Variants in SSBP2 observed in about 807,000 individuals in gnomAD.
SSBP2 encodes the protein single-stranded DNA-binding protein 2.
In SSBP2, 17 loss-of-function variants were observed where a neutral mutation model predicts 61.8. The observed-to-expected ratio is 0.28, with a 90% confidence interval of 0.19 to 0.41. The LOEUF is 0.41. Among genes scored for constraint, SSBP2 ranks in the 10% least tolerant of loss-of-function variants. The probability of loss-of-function intolerance (pLI) is 1.00; values close to 1 mark genes in which losing one functional copy is unlikely to be tolerated. For missense variants in SSBP2, 310 were observed against 458.7 expected (o/e 0.68, Z 2.96); for synonymous variants, 139 against 141.3 (o/e 0.98, Z 0.12).
chr5:81,645,586 C>T (rs187029549), intron 2 of SSBP2, among the ~76,000 whole-genome samples: 1 of 152,180 alleles, frequency 6.6e-6, no homozygotes, highest in African/African-American at 2.4e-5. Flanking sequence ...GGAAGAGCAG[C>T]CATTATCTTT....
At position 81,664,522 on chromosome 5, in the gene SSBP2, T is replaced by C. The variant is rs141496026; in HGVS notation, c.63-14183A>G. On this transcript the variant is annotated intron_variant, in intron 1 of 16. Coordinates refer to ENST00000320672, the MANE Select transcript of SSBP2 (RefSeq NM_012446.5). ...ATTAATGACTCTCTCAGACCACACATAGGCATTTGTAGAATCCTTTGGTTT... is the reference window on the plus strand; with the variant it reads ...ATTAATGACTCTCTCAGACCACACACAGGCATTTGTAGAATCCTTTGGTTT... Among the ~76,000 whole-genome samples, 90 of 152,316 alleles carry C rather than the reference T, an allele frequency of 5.9e-4. 1 individual carries two copies. In the East Asian group the frequency reaches 0.015, roughly 25 times the overall value.
chr5:81,586,873 G>A (rs1285464070), intron 4 of SSBP2, among the ~76,000 whole-genome samples: 1 of 151,882 alleles, frequency 6.6e-6, no homozygotes, highest in South Asian at 2.1e-4. Flanking sequence ...GATAGAGGGT[G>A]CCTACATGAT....
At chr5:81,668,680 C>T (rs1338950823) in intron 1 of SSBP2, among the ~76,000 whole-genome samples, 2 of 151,898 alleles carry the variant, frequency 1.3e-5, no homozygotes. Context: ...GTAAATAAAG[C>T]ATAAAGTTTA....
At chr5:81,643,573 T>C (rs2153693039) in intron 2 of SSBP2, among the ~76,000 whole-genome samples, 1 of 150,616 alleles carries the variant, frequency 6.6e-6, no homozygotes, top group South Asian at 2.1e-4. Flanking sequence ...AAAGTTGAAA[T>C]TGAAGTAAAC....
At chr5:81,503,172 C>T (rs999390747) in intron 5 of SSBP2, among the ~76,000 whole-genome samples, 1 of 151,990 alleles carries the variant, frequency 6.6e-6, no homozygotes, top group East Asian at 1.9e-4. Flanking sequence ...ACAACAGATG[C>T]AGCTGGGCGT....
chr5:81,682,639 C>T (rs186989543), intron 1 of SSBP2, among the ~76,000 whole-genome samples: 269 of 152,210 alleles, frequency 1.8e-3, no homozygotes, highest in African/African-American at 6.2e-3. Flanking sequence ...CTTACCACTG[C>T]TTTTTGGCAT....
At chr5:81,461,207 C>A in intron 9 of SSBP2, 104 bp from the exon 10 acceptor site, 1 of 855,858 alleles carries the variant, frequency 1.2e-6, no homozygotes, top group Non-Finnish European at 1.7e-6. Context: ...AGTTACTATG[C>A]AGTTCTAGTT....
intron 5 of SSBP2, among the ~76,000 whole-genome samples, chr5:81,497,081 C>T (rs920320004): frequency 6.6e-6 from 1 of 152,290 alleles, no homozygotes; most frequent in Middle Eastern, 3.4e-3. Context: ...GCTCTTGATT[C>T]ACCAGACTAA....
chr5:81,663,699 C>A (rs1374604669), intron 1 of SSBP2, among the ~76,000 whole-genome samples: 3 of 152,102 alleles, frequency 2.0e-5, no homozygotes, highest in Admixed American at 2.0e-4. Flanking sequence ...ACCATAATAT[C>A]CTATATCTAC....
intron 1 of SSBP2, among the ~76,000 whole-genome samples, chr5:81,662,894 C>T (rs1047434815): frequency 4.3e-4 from 65 of 152,140 alleles, no homozygotes; most frequent in African/African-American, 1.4e-3. Context: ...CCATTACATG[C>T]TTGCCAACAG....
chr5:81,426,465 C>G (rs766859793), intron 16 of SSBP2, among the ~76,000 whole-genome samples: 5 of 152,182 alleles, frequency 3.3e-5, no homozygotes, highest in Non-Finnish European at 5.9e-5. Context: ...CAGGGAACTT[C>G]TGTTTGCTGT....
At chr5:81,640,849 G>A (rs1748720496) in intron 2 of SSBP2, among the ~76,000 whole-genome samples, 1 of 151,954 alleles carries the variant, frequency 6.6e-6, no homozygotes, top group South Asian at 2.1e-4. Flanking sequence ...TTCACTAGTT[G>A]GTATCTTCTT....
chr5:81,718,219 A>G (rs549886316), intron 1 of SSBP2, among the ~76,000 whole-genome samples: 2 of 152,332 alleles, frequency 1.3e-5, no homozygotes, highest in African/African-American at 4.8e-5. Flanking sequence ...TTGACATAAG[A>G]AGGAGGATGG....
intron 1 of SSBP2, among the ~76,000 whole-genome samples, chr5:81,691,590 A>T (rs1753204681): frequency 1.3e-5 from 2 of 152,028 alleles, no homozygotes; most frequent in Admixed American, 1.3e-4. Flanking sequence ...AGCAAAGAAA[A>T]GCCCAGGACC....
chr5:81,666,731 A>AC (rs1354268619), intron 1 of SSBP2, among the ~76,000 whole-genome samples: 1 of 152,202 alleles, frequency 6.6e-6, no homozygotes, highest in Non-Finnish European at 1.5e-5. Flanking sequence ...GATTTGCTCT[A>AC]CTTCAATCCA....
intron 3 of SSBP2, among the ~76,000 whole-genome samples, chr5:81,626,342 A>G (rs937132526): frequency 6.6e-6 from 1 of 152,230 alleles, no homozygotes; most frequent in African/African-American, 2.4e-5. Flanking sequence ...CATATTCAAC[A>G]TCTAATCCTT....
Position 81,501,244 on chromosome 5 carries a change from TATATATATATATATATATATATATAC to T in SSBP2, c.373-11961_373-11936del, listed in dbSNP as rs1235237660. 2.4e-4 allele frequency among the ~76,000 whole-genome samples: 13 copies of T among 54,792 alleles called. 1 individual carries two copies. Among genetic ancestry groups the T allele is most frequent in the Non-Finnish European group, 3.8e-4 (12 of 31,184 alleles). The allele number at this position is 54,792 out of a possible 152,430, so 35.9% of individuals were successfully genotyped here. A position where few individuals can be genotyped will look rare whatever the true frequency, so the allele number is the denominator to read the frequency against. ...ATATATATATATATATATATATATA[TATATATATATATATATATATATATAC>T]ACACACACACACATGCACATACACC... On this transcript the variant is annotated intron_variant, in intron 5 of 16. Transcript: ENST00000320672.
intron 4 of SSBP2, among the ~76,000 whole-genome samples, chr5:81,541,368 C>T (rs2154117642): frequency 6.6e-6 from 1 of 151,964 alleles, no homozygotes; most frequent in Admixed American, 6.6e-5. Flanking sequence ...AGATTCAATG[C>T]TATTCATACC....
intron 1 of SSBP2, among the ~76,000 whole-genome samples, chr5:81,709,686 T>C (rs1262128229): frequency 6.6e-6 from 1 of 151,950 alleles, no homozygotes; most frequent in African/African-American, 2.4e-5. Flanking sequence ...GAACTTGAGA[T>C]GTTTTCCCTT....
Sources: allele counts gnomAD v4.1 joint callset (sites outside exome capture counted in the v4.1 genomes callset), GRCh38; gene constraint gnomAD v4.1.1; transcripts MANE v1.5; gene names NCBI Gene and HGNC (gene_info 2026-07-23, HGNC 2026-07-21).